The following ASIC2 variants were observed in gnomAD, a reference collection of about 807,000 sequenced individuals.
The protein encoded by ASIC2 is acid sensing ion channel subunit 2.
In ASIC2, 25 loss-of-function variants were observed where a neutral mutation model predicts 57.3. That is an observed-to-expected ratio of 0.44 (90% confidence interval 0.32 to 0.61). The LOEUF (loss-of-function observed/expected upper bound fraction) is 0.61, where lower values mean the gene tolerates loss of function less well. Among genes scored for constraint, ASIC2 ranks in the 20% least tolerant of loss-of-function variants. The probability of loss-of-function intolerance (pLI) is 0.06; values close to 1 mark genes in which losing one functional copy is unlikely to be tolerated. For missense variants in ASIC2, 641 were observed against 738.1 expected, an observed-to-expected ratio of 0.87 and a Z score of 1.52; for synonymous variants, 319 against 307.5, an observed-to-expected ratio of 1.04 and a Z score of -0.39.
chr17:33,539,836 G>A (rs551863187), intron 1 of ASIC2, among the ~76,000 whole-genome samples: 40 of 152,310 alleles, frequency 2.6e-4, no homozygotes, highest in African/African-American at 8.9e-4. Flanking sequence ...AACAACATGA[G>A]ACCCATGCAG....
chr17:33,134,683 G>T (rs564726402), intron 1 of ASIC2, among the ~76,000 whole-genome samples: 1 of 152,216 alleles, frequency 6.6e-6, no homozygotes, highest in African/African-American at 2.4e-5. Flanking sequence ...TGGTTGTCCT[G>T]CCTGAGTAGA....
intron 1 of ASIC2, among the ~76,000 whole-genome samples, chr17:34,084,906 T>G (rs560427023): frequency 4.6e-5 from 7 of 152,254 alleles, no homozygotes. Context: ...GAGACTTTGC[T>G]GAAGTTGCCT....
intron 1 of ASIC2, among the ~76,000 whole-genome samples, chr17:33,821,719 A>C (rs929783882): frequency 1.3e-5 from 2 of 152,070 alleles, no homozygotes; most frequent in African/African-American, 4.8e-5. Flanking sequence ...TCATCAGCAA[A>C]CTCATTTCCT....
intron 1 of ASIC2, chr17:34,037,660 T>C: frequency 3.7e-6 from 6 of 1,613,578 alleles, no homozygotes; most frequent in Non-Finnish European, 5.1e-6. Flanking sequence ...CAGAGGTTGA[T>C]GCAATAGCAG....
chr17:33,586,284 C>G (rs1567661246), intron 1 of ASIC2, among the ~76,000 whole-genome samples: 1 of 152,164 alleles, frequency 6.6e-6, no homozygotes, highest in Non-Finnish European at 1.5e-5. Context: ...TATTCTCAGT[C>G]TGAGTTTACC....
chr17:33,758,026 A>G (rs923211649), intron 1 of ASIC2, among the ~76,000 whole-genome samples: 5 of 152,210 alleles, frequency 3.3e-5, no homozygotes, highest in African/African-American at 1.2e-4. Context: ...CATAAAGAGG[A>G]CGATCCAATT....
intron 1 of ASIC2, among the ~76,000 whole-genome samples, chr17:33,152,932 C>T (rs746158909): frequency 6.6e-5 from 10 of 152,180 alleles, no homozygotes; most frequent in Non-Finnish European, 1.3e-4. Flanking sequence ...CCTCCGAGGC[C>T]GGAAGGTAAT....
intron 1 of ASIC2, among the ~76,000 whole-genome samples, chr17:33,248,755 TGTG>T (rs1315953763): frequency 6.6e-6 from 1 of 152,218 alleles, no homozygotes; most frequent in East Asian, 1.9e-4. Flanking sequence ...CCTCTCTGTA[TGTG>T]TCAGTTCCCC....
intron 1 of ASIC2, among the ~76,000 whole-genome samples, chr17:33,911,532 A>C (rs926631726): frequency 6.6e-6 from 1 of 152,214 alleles, no homozygotes; most frequent in Non-Finnish European, 1.5e-5. Flanking sequence ...CCCTCTGCTT[A>C]TACTTCATTG....
At position 33,835,999 on chromosome 17, in the gene ASIC2, A is replaced by G. The variant is rs146471152; in HGVS notation, c.555+319979T>C. 4.3e-3 allele frequency among the ~76,000 whole-genome samples: 649 copies of G among 150,932 alleles called. 4 individuals are homozygous for G. The highest frequency in any genetic ancestry group is 0.014 in the African/African-American group (570 of 41,276). On this transcript the variant is annotated intron_variant, in intron 1 of 9. Transcript: ENST00000359872. Reference sequence around the variant, plus strand: ...AATTATTAACATTTTAGAGGCTAATAATTATGTCTATCGTATATAATATGT... The same window carrying G: ...AATTATTAACATTTTAGAGGCTAATGATTATGTCTATCGTATATAATATGT...
At chr17:34,009,363 G>A (rs900868792) in intron 1 of ASIC2, among the ~76,000 whole-genome samples, 4 of 152,162 alleles carry the variant, frequency 2.6e-5, no homozygotes, top group African/African-American at 9.7e-5. Flanking sequence ...GTTATTGAGC[G>A]CCTGCAGTGT....
Position 33,291,863 on chromosome 17 carries a change from G to A in ASIC2, c.253C>T (p.Arg85Trp), listed in dbSNP as rs572544977. The change falls in exon 1 of 10, where the codon CGG (arginine) becomes TGG (tryptophan). Residue 85 changes from arginine to tryptophan, a missense_variant. By Grantham distance (101) the Arg-to-Trp change is moderately radical. Around this residue, in one of 3 missense-constraint regions of ASIC2, gnomAD observed 382 missense variants for 398.0 expected, o/e 0.96. Coordinates refer to ENST00000225823, the MANE Select transcript of ASIC2 (RefSeq NM_183377.2). ...AAGGCCAGCACCCACAGCGCCCGCC[G>A]CTGGAAGGAGCCCCCAGCCGCCGTG... The part of the protein sequence containing the change: ...GRTAAGGSFQ[R>W]RALWVLAFCT... 57 of 1,608,346 alleles carry A rather than the reference G, an allele frequency of 3.5e-5. No individual in the cohort carries two copies. Among genetic ancestry groups the A allele is most frequent in the Non-Finnish European group, 4.7e-5 (56 of 1,179,418 alleles).
intron 1 of ASIC2, among the ~76,000 whole-genome samples, chr17:33,560,734 G>A (rs2141983619): frequency 6.6e-6 from 1 of 152,302 alleles, no homozygotes; most frequent in South Asian, 2.1e-4. Flanking sequence ...GTATCCTCTG[G>A]GTGAGGGCAG....
At chr17:33,385,053 C>T (rs1909624414) in intron 1 of ASIC2, among the ~76,000 whole-genome samples, 1 of 152,178 alleles carries the variant, frequency 6.6e-6, no homozygotes, top group Non-Finnish European at 1.5e-5. Context: ...ATTAACCTCT[C>T]TGGGGCTACT....
At chr17:33,318,323 G>A (rs1222536870) in intron 1 of ASIC2, among the ~76,000 whole-genome samples, 1 of 152,090 alleles carries the variant, frequency 6.6e-6, no homozygotes, top group African/African-American at 2.4e-5. Flanking sequence ...GTGAGTTTGG[G>A]TTCCAGGCTG....
At chr17:33,653,887 T>C (rs35912563) in intron 1 of ASIC2, among the ~76,000 whole-genome samples, 1,943 of 152,338 alleles carry the variant, frequency 0.013, 44 homozygotes, top group African/African-American at 0.045. Flanking sequence ...ATGCAGGCAT[T>C]GTACAGGACA....
intron 1 of ASIC2, chr17:34,070,340 T>C (rs1025694926): frequency 1.1e-4 from 16 of 151,920 alleles, no homozygotes; most frequent in Non-Finnish European, 1.8e-4. Context: ...TTGGGGAAGA[T>C]GTGAGGTTCT....
chr17:34,072,446 G>A (rs747229407), intron 1 of ASIC2: 7 of 152,124 alleles, frequency 4.6e-5, no homozygotes, highest in East Asian at 1.9e-4. Context: ...TTTTTAAGGC[G>A]GTACAGTTAG....
intron 1 of ASIC2, among the ~76,000 whole-genome samples, chr17:34,085,716 T>G (rs1910089338): frequency 6.6e-6 from 1 of 152,046 alleles, no homozygotes; most frequent in Non-Finnish European, 1.5e-5. Context: ...CAATTTCAGC[T>G]CCTGTTATTG....
Sources: allele counts gnomAD v4.1 joint callset (sites outside exome capture counted in the v4.1 genomes callset), GRCh38; gene constraint gnomAD v4.1.1; regional missense constraint gnomAD v4.1.1; transcripts MANE v1.5; gene names NCBI Gene and HGNC (gene_info 2026-07-23, HGNC 2026-07-21).